The following GOSR2 variants were observed in gnomAD, a reference collection of about 807,000 sequenced individuals.
The protein encoded by GOSR2 is 27 kDa Golgi SNARE protein.
A neutral mutation model predicts 27.9 loss-of-function variants in GOSR2; 20 were observed. The observed-to-expected ratio is 0.72, with a 90% confidence interval of 0.50 to 1.04. The LOEUF (loss-of-function observed/expected upper bound fraction) is 1.04. GOSR2 is among the 50% of genes least tolerant of loss of function. The pLI is 0.00. For missense variants in GOSR2, 261 were observed against 270.5 expected, an observed-to-expected ratio of 0.97 and a Z score of 0.25; for synonymous variants, 91 against 98.8, an observed-to-expected ratio of 0.92 and a Z score of 0.47.
intron 5 of GOSR2, 28 bp downstream of exon 5, chr17:46,935,197 A>T: frequency 1.9e-6 from 3 of 1,613,108 alleles, no homozygotes; most frequent in Non-Finnish European, 2.5e-6. Context: ...GGACAGAGAG[A>T]AGGCCTCTTG....
intron 5 of GOSR2, 108 bp from the exon 6 acceptor site, chr17:46,938,491 A>C: frequency 3.2e-6 from 5 of 1,561,214 alleles, no homozygotes; most frequent in Non-Finnish European, 4.4e-6. Flanking sequence ...TATTCTGGGC[A>C]TGACCAAGAG....
chr17:46,939,947 G>A lies in GOSR2; in HGVS notation c.*1187G>A, dbSNP rs2089023547. 4 of 1,007,854 alleles carry A rather than the reference G, an allele frequency of 4.0e-6. No homozygotes were observed. Among genetic ancestry groups the A allele is most frequent in the African/African-American group, 1.7e-5 (1 of 57,916 alleles). 62.4% of individuals were successfully genotyped at this position (1,007,854 alleles called of 1,614,324 possible). On this transcript the variant is annotated 3_prime_UTR_variant, in exon 6 of 6. Coordinates refer to ENST00000640051, the MANE Select transcript of GOSR2 (RefSeq NM_004287.5). ...TTTACCACAGGCCTACCAGCCCTGG[G>A]CACAGCAGCTTCATGGCAAGACATA...
chr17:46,962,296 T>G (rs931567188), intron 6 of GOSR2, among the ~76,000 whole-genome samples: 5 of 149,208 alleles, frequency 3.4e-5, no homozygotes, highest in African/African-American at 9.9e-5. Context: ...GCCACTGCAC[T>G]CCAACCTGGG....
At chr17:46,960,269 T>C (rs1159148008) in intron 6 of GOSR2, among the ~76,000 whole-genome samples, 1 of 152,202 alleles carries the variant, frequency 6.6e-6, no homozygotes, top group Non-Finnish European at 1.5e-5. Context: ...CATCATTCAA[T>C]AGAAGACAAA....
chr17:46,940,186 C>T lies in GOSR2; in HGVS notation c.*1426C>T, dbSNP rs947130675. 23 of 1,374,822 alleles carry T rather than the reference C, an allele frequency of 1.7e-5. No homozygotes were observed. The highest frequency in any genetic ancestry group is 2.2e-5 in the Non-Finnish European group (23 of 1,063,722). 85.2% of individuals were successfully genotyped at this position (1,374,822 alleles called of 1,614,324 possible). A position where few individuals can be genotyped will look rare whatever the true frequency, so the allele number is the denominator to read the frequency against. On this transcript the variant is annotated 3_prime_UTR_variant, in exon 6 of 6. Coordinates refer to ENST00000640051, the MANE Select transcript of GOSR2 (RefSeq NM_004287.5). ...TTTCAGGCACCTCTGTGGCATAGCT[C>T]CCCTTTGGTAAGTTTTCTTAATTGT...
rs2088840260 is a variant in GOSR2, at chr17:46,938,797, G to A, written c.*37G>A. 6.2e-7 allele frequency: 1 copy of A among 1,612,916 alleles called. No individual in the cohort carries two copies. Among genetic ancestry groups the A allele is most frequent in the East Asian group, 2.2e-5 (1 of 44,868 alleles). ...TCAGTGGCTGAACAGCATTCCCACAGCCTGCAAGTGTGTGTGTGTGTGAAA... is the reference window on the plus strand; with the variant it reads ...TCAGTGGCTGAACAGCATTCCCACAACCTGCAAGTGTGTGTGTGTGTGAAA... On this transcript the variant is annotated 3_prime_UTR_variant, in exon 6 of 6. Coordinates refer to ENST00000640051, the MANE Select transcript of GOSR2 (RefSeq NM_004287.5).
At chr17:46,926,812 A>T (rs999396906) in intron 1 of GOSR2, among the ~76,000 whole-genome samples, 1 of 152,194 alleles carries the variant, frequency 6.6e-6, no homozygotes, top group Non-Finnish European at 1.5e-5. Flanking sequence ...AAGCAAATAG[A>T]GATTTGATGG....
At chr17:46,970,616 G>A (rs1396293610), downstream of GOSR2, among the ~76,000 whole-genome samples, 4 of 150,994 alleles carry the variant, frequency 2.6e-5, no homozygotes, top group South Asian at 2.1e-4. Context: ...ACAATCAGTC[G>A]TCAGCTGAGC....
chr17:46,938,806 T>C lies in GOSR2; in HGVS notation c.*46T>C, dbSNP rs775385642. On this transcript the variant is annotated 3_prime_UTR_variant, in exon 6 of 6. Coordinates refer to ENST00000640051, the MANE Select transcript of GOSR2 (RefSeq NM_004287.5). The stretch of plus-strand genomic sequence containing the variant: ...GAACAGCATTCCCACAGCCTGCAAG[T>C]GTGTGTGTGTGTGAAAGAGAGAGGG... 9 of 1,550,920 alleles carry C rather than the reference T, an allele frequency of 5.8e-6. No individual in the cohort carries two copies. In the Admixed American group the frequency reaches 1.5e-4, roughly 26 times the overall value.
At chr17:46,937,434 T>C (rs999299193) in intron 5 of GOSR2, 1 of 152,248 alleles carries the variant, frequency 6.6e-6, no homozygotes, top group Non-Finnish European at 1.5e-5. Context: ...ATTTTAAGTA[T>C]TTTTGTTGAG....
intron 1 of GOSR2, among the ~76,000 whole-genome samples, chr17:46,929,206 A>G (rs1331633490): frequency 6.6e-6 from 1 of 152,196 alleles, no homozygotes; most frequent in African/African-American, 2.4e-5. Context: ...TGAACAAGTT[A>G]CATAACCTTT....
chr17:46,951,987 G>C (rs150554092), intron 6 of GOSR2, among the ~76,000 whole-genome samples: 103 of 152,288 alleles, frequency 6.8e-4, no homozygotes, highest in African/African-American at 2.4e-3. Context: ...TCCTCTCAGA[G>C]TGGCTATATT....
chr17:46,935,487 CAGAATCTACTCTT>C, intron 5 of GOSR2: 1 of 1,359,608 alleles, frequency 7.4e-7, no homozygotes, highest in Non-Finnish European at 9.4e-7. Context: ...AATTGTGTTA[CAGAATCTACTCTT>C]GGAAGAATGA....
At chr17:46,973,671 G>C (rs2091416199) in intron 6 of GOSR2, among the ~76,000 whole-genome samples, 1 of 152,286 alleles carries the variant, frequency 6.6e-6, no homozygotes, top group Admixed American at 6.5e-5. Context: ...CCGAGCTGGG[G>C]TTTGCTGTCC....
downstream of GOSR2, among the ~76,000 whole-genome samples, chr17:46,946,747 C>T (rs1368813038): frequency 1.3e-5 from 2 of 152,110 alleles, no homozygotes; most frequent in South Asian, 2.1e-4. Flanking sequence ...CCTGTAGTCC[C>T]AGCTACTTGG....
At chr17:46,935,555 T>A (rs1056201771) in intron 5 of GOSR2, 48 of 1,213,794 alleles carry the variant, frequency 4.0e-5, no homozygotes, top group Non-Finnish European at 4.8e-5. Flanking sequence ...TGGCTTTCCC[T>A]TAGGACCCCT....
rs757594881 is a variant in GOSR2 at position 46,923,198 on chromosome 17, T to A, written c.6T>A (p.Asp2Glu). MDPLFQQTHKQV... is the reference protein window; with the variant it reads MEPLFQQTHKQV... ...TGGCCTGCGGGGCCGGCGACATGGA[T>A]CCCCTGTTCCAGCAAACGCACAAGT... Residue 2 changes from aspartate to glutamate, a missense_variant, in exon 1 of 6, where the codon GAT (aspartate) becomes GAA (glutamate). Transcript: ENST00000640051. 2.6e-6 allele frequency: 4 copies of A among 1,547,326 alleles called. No individual in the cohort carries two copies. Among genetic ancestry groups the A allele is most frequent in the South Asian group, 1.2e-5 (1 of 83,982 alleles).
At chr17:46,932,528 T>C in intron 4 of GOSR2, 1 of 555,478 alleles carries the variant, frequency 1.8e-6, no homozygotes, top group Non-Finnish European at 3.2e-6. Context: ...GACAGATGAT[T>C]AGAACTTAGG....
chr17:46,946,293 A>G (rs200574060), downstream of GOSR2, among the ~76,000 whole-genome samples: 1 of 64,618 alleles, frequency 1.5e-5, no homozygotes, highest in African/African-American at 4.0e-5. Context: ...AAAAAAAAAA[A>G]AAAAAAAAAG....
Sources: gnomAD v4.1 joint callset for allele counts (sites outside exome capture counted in the v4.1 genomes callset) on GRCh38, gnomAD v4.1.1 for gene constraint, MANE v1.5 for transcripts, NCBI Gene and HGNC (gene_info 2026-07-23, HGNC 2026-07-21) for gene names.